Variants in TTN observed in about 807,000 individuals in gnomAD.
TTN encodes the protein connectin.
TTN carries 1,525 observed loss-of-function variants against 3,223.0 expected under a neutral mutation model. That is an observed-to-expected ratio of 0.47 (90% CI 0.45 to 0.49). The LOEUF is 0.49. TTN is among the 20% of genes least tolerant of loss of function. TTN has a pLI of 0.00. For missense variants in TTN, 40,786 were observed against 43,424.0 expected (o/e 0.94, Z 5.40); for synonymous variants, 14,094 against 15,161.0 (o/e 0.93, Z 5.17).
At position 178,740,051 on chromosome 2, in the gene TTN, G is replaced by A. The variant is rs1233394821; in HGVS notation, c.13182C>T (p.Asn4394=). ...LSGIPEEQRL[N]LKIQICRALQ... ...AAGCCCGGCAGATTTGAATTTTCAGGTTTAATCTCTGCTCTTCTGGAATAC... is the reference window on the plus strand; with the variant it reads ...AAGCCCGGCAGATTTGAATTTTCAGATTTAATCTCTGCTCTTCTGGAATAC... The change falls in exon 48 of 363, where the codon AAC becomes AAT. Residue 4394 remains asparagine (N), a synonymous_variant. Transcript: ENST00000589042. 4.3e-6 allele frequency: 7 copies of A among 1,613,714 alleles called. No individual in the cohort carries two copies. The highest frequency in any genetic ancestry group is 5.9e-6 in the Non-Finnish European group (7 of 1,179,826).
chr2:178,621,329 T>A lies in TTN; in HGVS notation c.45389A>T (p.Glu15130Val), dbSNP rs1473655528. 1 of 1,611,764 alleles carries A rather than the reference T, an allele frequency of 6.2e-7. No homozygotes were observed. Among genetic ancestry groups the A allele is most frequent in the East Asian group, 2.2e-5 (1 of 44,552 alleles). The change falls in exon 246 of 363, where the codon GAA (glutamate) becomes GTA (valine). Residue 15130 changes from glutamate to valine, a missense_variant. Coordinates refer to ENST00000589042, the MANE Select transcript of TTN (RefSeq NM_001267550.2). ...AEFISKPQNL[E>V]ILEGEKAEFV... ...TTCAGCCTTTTCTCCTTCAAGTATT[T>A]CAAGGTTTTGAGGCTTTGAGATAAA...
chr2:178,778,630 G>C, intron 24 of TTN: 1 of 534,752 alleles, frequency 1.9e-6, no homozygotes, highest in South Asian at 2.1e-5. Flanking sequence ...TGTCAAATAA[G>C]AGCTATTGTG....
Position 178,683,310 on chromosome 2 carries a change from T to G in TTN, c.32807-19A>C, listed in dbSNP as rs1327204154. 2.1e-6 allele frequency: 3 copies of G among 1,403,010 alleles called. No homozygotes were observed. Among genetic ancestry groups the G allele is most frequent in the Non-Finnish European group, 2.9e-6 (3 of 1,032,998 alleles). The allele number at this position is 1,403,010 out of a possible 1,614,324, so 86.9% of individuals were successfully genotyped here. A position where few individuals can be genotyped will look rare whatever the true frequency, so the allele number is the denominator to read the frequency against. On this transcript the variant is annotated intron_variant, in intron 133 of 362. Coordinates refer to ENST00000589042, the MANE Select transcript of TTN (RefSeq NM_001267550.2). ...TCAGTCACTTTAAAGGAGTAATTAT[T>G]AAAAGTGAATTGCAAGATTCTGAAA...
intron 288 of TTN, chr2:178,600,470 A>T: frequency 5.1e-6 from 1 of 197,980 alleles, no homozygotes. Flanking sequence ...ATCTTTTCTC[A>T]TATAGAGAAA....
chr2:178,665,271 A>C, intron 165 of TTN, 106 bp downstream of exon 165: 1 of 1,091,484 alleles, frequency 9.2e-7, no homozygotes, highest in Non-Finnish European at 1.3e-6. Flanking sequence ...AAAAGATATT[A>C]GTATGTTTAT....
At chr2:178,781,009 G>T in intron 21 of TTN, 112 bp downstream of exon 21, 3 of 1,441,472 alleles carry the variant, frequency 2.1e-6, no homozygotes, top group Non-Finnish European at 2.9e-6. Flanking sequence ...AGACACTGGG[G>T]CAAAGTATCA....
In TTN at chr2:178,722,881, C is replaced by T. The variant is rs566468573; in HGVS notation, c.22018G>A (p.Val7340Ile). Residue 7340 changes from valine to isoleucine, a missense_variant, in exon 76 of 363, where the codon GTT (valine) becomes ATT (isoleucine). Coordinates refer to ENST00000589042, the MANE Select transcript of TTN (RefSeq NM_001267550.2). ...EPLEAAVGDS[V>I]SLQCQVAGTP... ...CCAGCAACTTGGCATTGTAAAGAAA[C>T]CGAATCTCCAACTGCTGCCTCCAGA... 5.3e-5 allele frequency: 85 copies of T among 1,612,854 alleles called. No individual in the cohort carries two copies. In the South Asian group the frequency reaches 6.8e-4, roughly 13 times the overall value.
chr2:178,543,026 TTTTAC>T (rs1258538436), intron 347 of TTN, 38 bp downstream of exon 347: 5 of 1,533,324 alleles, frequency 3.3e-6, no homozygotes, highest in Non-Finnish European at 4.4e-6. Flanking sequence ...AATGTTTTCA[TTTTAC>T]TTTACTTTTT....
At chr2:178,622,615 A>C (rs1301049050) in intron 243 of TTN, 55 bp downstream of exon 243, 29 of 1,461,254 alleles carry the variant, frequency 2.0e-5, no homozygotes, top group Non-Finnish European at 2.6e-5. Flanking sequence ...GGCTAGACCA[A>C]AAGTAAATAT....
intron 238 of TTN, 68 bp downstream of exon 238, chr2:178,630,732 TCTGA>T: frequency 2.6e-6 from 4 of 1,546,282 alleles, no homozygotes; most frequent in South Asian, 1.3e-5. Flanking sequence ...CTGCATCCAC[TCTGA>T]CTTTCACCTG....
In TTN at chr2:178,561,106, G is replaced by A. The variant is rs1477911633; in HGVS notation, c.85026C>T (p.Ser28342=). Reference sequence around the variant, plus strand: ...CATCTTTAACTATAATAGGCCCAGTGGATTCAGATGGCTCACTAACTGAGT... The same window carrying A: ...CATCTTTAACTATAATAGGCCCAGTAGATTCAGATGGCTCACTAACTGAGT... The part of the protein sequence containing the change: ...AADSVSEPSE[S]TGPIIVKDDV... The change falls in exon 326 of 363, where the codon TCC becomes TCT. Residue 28342 remains serine (S), a synonymous_variant. Transcript: ENST00000589042. 3.1e-6 allele frequency: 5 copies of A among 1,613,722 alleles called. No homozygotes were observed. In the South Asian group the frequency reaches 5.5e-5, roughly 18 times the overall value.
intron 239 of TTN, 55 bp downstream of exon 239, chr2:178,630,186 T>C: frequency 6.2e-7 from 1 of 1,606,806 alleles, no homozygotes; most frequent in African/African-American, 1.3e-5. Context: ...TTCACTCACA[T>C]TCATTTTCTG....
chr2:178,701,185 G>A lies in TTN; in HGVS notation c.30617C>T (p.Ala10206Val), dbSNP rs748354027. The change falls in exon 111 of 363, where the codon GCT becomes GTT. Residue 10206 changes from alanine to valine, a missense_variant. By Grantham distance (64) the Ala-to-Val change is moderately conservative. Coordinates refer to ENST00000589042, the MANE Select transcript of TTN (RefSeq NM_001267550.2). ...VPPEEIPPVV[A>V]PPIPLLLPTP... The stretch of plus-strand genomic sequence containing the variant: ...TGGTAGCAAAAGGGGGATAGGAGGA[G>A]CAACCACAGGAGGGATTTCTGAAGA... 1 of 1,613,132 alleles carries A rather than the reference G, an allele frequency of 6.2e-7. No homozygotes were observed. Among genetic ancestry groups the A allele is most frequent in the Non-Finnish European group, 8.5e-7 (1 of 1,179,572 alleles).
intron 47 of TTN, chr2:178,748,269 T>G: frequency 6.2e-7 from 1 of 1,613,004 alleles, no homozygotes; most frequent in Non-Finnish European, 8.5e-7. Flanking sequence ...ATGTCTAAGT[T>G]TTGTTCCTGT....
rs1478777514 is a variant in TTN, at chr2:178,657,533, G to A, written c.38003C>T (p.Thr12668Ile). The change falls in exon 189 of 363, where the codon ACT becomes ATT. Residue 12668 changes from threonine (T) to isoleucine (I), a missense_variant. Thr to Ile is a moderately conservative substitution (Grantham distance 89). Coordinates refer to ENST00000589042, the MANE Select transcript of TTN (RefSeq NM_001267550.2). ...TGGGACTTCAGGCTTTTTAGGAGGA[G>A]TCGAGGGCACTTTCTTTTCAAGGAC... ...EVVLEKKVPS[T>I]PPKKPEVPPV... 1.3e-5 allele frequency: 20 copies of A among 1,581,214 alleles called. 2 individuals are homozygous for A. Among genetic ancestry groups the A allele is most frequent in the Non-Finnish European group, 1.7e-5 (20 of 1,167,622 alleles).
At chr2:178,720,361 A>G (rs1560667989) in intron 80 of TTN, 24 bp downstream of exon 80, 1 of 1,597,590 alleles carries the variant, frequency 6.3e-7, no homozygotes. Context: ...AGGGGCATAT[A>G]TTTTTGTGTC....
chr2:178,658,318 TTTC>T lies in TTN; in HGVS notation c.37662_37664del (p.Lys12555del). On this transcript the variant is annotated inframe_deletion, in exon 185 of 363. Transcript: ENST00000589042. ...GTTTTTTGATTGGTGCCTTGGGAAT[TTTC>T]TTTTCTGGGACAACTTCTTGAGCAG... is the stretch of plus-strand genomic sequence containing the variant. 5.2e-6 allele frequency: 4 copies of T among 764,124 alleles called. No individual in the cohort carries two copies. Among genetic ancestry groups the T allele is most frequent in the Non-Finnish European group, 7.7e-6 (4 of 518,352 alleles). The allele number at this position is 764,124 out of a possible 1,614,324, so 47.3% of individuals were successfully genotyped here. A position where few individuals can be genotyped will look rare whatever the true frequency, so the allele number is the denominator to read the frequency against.
At position 178,711,132 on chromosome 2, in the gene TTN, T is replaced by C. The variant is rs886055291; in HGVS notation, c.28104A>G (p.Ala9368=). ...LNIFKTDRSL[A]GQYSCTATNP... ...TTGTAGCTGTGCAGGAATACTGGCC[T>C]GCAAGGCTCCGGTCAGTTTTAAAAA... is the stretch of plus-strand genomic sequence containing the variant. Residue 9368 remains alanine (A), a synonymous_variant, in exon 97 of 363, where the codon GCA becomes GCG. Transcript: ENST00000589042. 12 of 1,613,766 alleles carry C rather than the reference T, an allele frequency of 7.4e-6. No individual in the cohort carries two copies. In the African/African-American group the frequency reaches 1.5e-4, roughly 20 times the overall value.
At chr2:178,692,358 C>T in intron 120 of TTN, 139 bp downstream of exon 120, 1 of 952,836 alleles carries the variant, frequency 1.0e-6, no homozygotes, top group Non-Finnish European at 1.6e-6. Context: ...CACATCACCA[C>T]AAATAAATGA....
Sources: gnomAD v4.1 joint callset for allele counts on GRCh38, gnomAD v4.1.1 for gene constraint, MANE v1.5 for transcripts, NCBI Gene and HGNC (gene_info 2026-07-23, HGNC 2026-07-21) for gene names.